Variants in EFHC1 observed in about 807,000 individuals in gnomAD.
The protein encoded by EFHC1 is EF-hand domain-containing protein 1.
Under a neutral mutation model 69.9 loss-of-function variants are expected in EFHC1, and 53 were observed. That is an observed-to-expected ratio of 0.76 (90% CI 0.61 to 0.95). The LOEUF (loss-of-function observed/expected upper bound fraction) is 0.95, where lower values mean the gene tolerates loss of function less well. Among genes scored for constraint, EFHC1 ranks in the 40% least tolerant of loss-of-function variants. The pLI, the probability that EFHC1 is intolerant of heterozygous loss-of-function variation, is 0.00. For synonymous variants in EFHC1, 256 were observed against 278.4 expected (o/e 0.92, Z 0.80); for missense variants, 739 against 798.7 (o/e 0.93, Z 0.90).
At chr6:52,452,325 C>T (rs573588579) in intron 3 of EFHC1, among the ~76,000 whole-genome samples, 6 of 152,118 alleles carry the variant, frequency 3.9e-5, no homozygotes, top group Admixed American at 2.6e-4. Flanking sequence ...TTATTTGAGG[C>T]GGGGTCTTGC....
At chr6:52,430,030 A>G (rs1260100765) in intron 2 of EFHC1, 4 of 152,152 alleles carry the variant, frequency 2.6e-5, no homozygotes, top group Non-Finnish European at 5.9e-5. Context: ...TGGTGTAAAG[A>G]AGAGCTACTG....
chr6:52,473,145 TA>T (rs1409634311), intron 7 of EFHC1, among the ~76,000 whole-genome samples: 1 of 152,110 alleles, frequency 6.6e-6, no homozygotes, highest in Non-Finnish European at 1.5e-5. Flanking sequence ...CACTGTGTAT[TA>T]AAAGTCACAG....
intron 2 of EFHC1, among the ~76,000 whole-genome samples, chr6:52,432,494 C>T: frequency 6.6e-6 from 1 of 152,084 alleles, no homozygotes; most frequent in South Asian, 2.1e-4. Flanking sequence ...AAATTCTTGG[C>T]TGATAATTCT....
intron 1 of EFHC1, 50 bp downstream of exon 1, chr6:52,420,523 C>A: frequency 6.2e-7 from 1 of 1,611,184 alleles, no homozygotes; most frequent in Non-Finnish European, 8.5e-7. Context: ...TCCAGCAGCC[C>A]AGGAGGTTTC....
chr6:52,490,630 G>A (rs773071948), intron 10 of EFHC1: 6 of 580,570 alleles, frequency 1.0e-5, no homozygotes, highest in Non-Finnish European at 1.8e-5. Flanking sequence ...CAACAGAGAC[G>A]ATCCAGGAGG....
intron 2 of EFHC1, among the ~76,000 whole-genome samples, chr6:52,427,819 G>A (rs1177182750): frequency 6.6e-6 from 1 of 152,026 alleles, no homozygotes; most frequent in African/African-American, 2.4e-5. Flanking sequence ...ATGTGACTTG[G>A]CTTTTTATAA....
chr6:52,463,062 C>CT (rs1329615234), intron 5 of EFHC1, among the ~76,000 whole-genome samples: 3 of 151,972 alleles, frequency 2.0e-5, no homozygotes, highest in Non-Finnish European at 4.4e-5. Context: ...GAGTCTCTCT[C>CT]TGTCGCCCAG....
intron 4 of EFHC1, 188 bp from the exon 5 acceptor site, chr6:52,453,907 A>G (rs764850535): frequency 1.0e-5 from 15 of 1,457,810 alleles, no homozygotes; most frequent in Admixed American, 1.0e-4. Context: ...CTGCTGACAT[A>G]TAGTACATAA....
At position 52,495,383 on chromosome 6, in the gene EFHC1, T is replaced by C. The variant is rs1283884102; in HGVS notation, c.*3042T>C. The C allele has an allele frequency of 2.2e-6, 1 of 453,996 alleles. No individual in the cohort carries two copies. Among genetic ancestry groups the C allele is most frequent in the East Asian group, 6.9e-5 (1 of 14,408 alleles). 28.1% of individuals were successfully genotyped at this position (453,996 alleles called of 1,614,324 possible). A position where few individuals can be genotyped will look rare whatever the true frequency, so the allele number is the denominator to read the frequency against. On this transcript the variant is annotated 3_prime_UTR_variant, in exon 11 of 11. Transcript: ENST00000371068. ...AGCCCCTTTCAAGAAGCTTGCACTT[T>C]CTGATATTTTCTCCATCACTCTTGC... is the stretch of plus-strand genomic sequence containing the variant.
At position 52,492,926 on chromosome 6, in the gene EFHC1, T is replaced by A. The variant is rs1327939880; in HGVS notation, c.*585T>A. 4.4e-6 allele frequency: 2 copies of A among 454,106 alleles called. No homozygotes were observed. Among genetic ancestry groups the A allele is most frequent in the Admixed American group, 2.3e-5 (1 of 42,576 alleles). The allele number at this position is 454,106 out of a possible 1,614,324, so 28.1% of individuals were successfully genotyped here. The stretch of plus-strand genomic sequence containing the variant: ...GCCACTGTGCCCAGCCTCAGATATT[T>A]CATTATTCTGGGGGTTTCTCTGAAG... On this transcript the variant is annotated 3_prime_UTR_variant, in exon 11 of 11. Coordinates refer to ENST00000371068, the MANE Select transcript of EFHC1 (RefSeq NM_018100.4).
At chr6:52,426,455 T>A (rs529672392) in intron 2 of EFHC1, among the ~76,000 whole-genome samples, 1 of 152,330 alleles carries the variant, frequency 6.6e-6, no homozygotes, top group East Asian at 1.9e-4. Flanking sequence ...CTTACAAGTA[T>A]TTTCAAGGCT....
chr6:52,466,278 C>T (rs1271392813), intron 6 of EFHC1, among the ~76,000 whole-genome samples: 1 of 152,192 alleles, frequency 6.6e-6, no homozygotes, highest in Non-Finnish European at 1.5e-5. Context: ...CTTCCAGCGG[C>T]TGCTCCTCTT....
chr6:52,495,105 G>A lies in EFHC1; in HGVS notation c.*2764G>A, dbSNP rs1273183362. On this transcript the variant is annotated 3_prime_UTR_variant, in exon 11 of 11. Transcript: ENST00000371068. ...CGGCTCTAATGGTATGGTCTCCAAG[G>A]CTCCTTCTGATCTTCCCAGGAGGCC... 4.4e-6 allele frequency: 2 copies of A among 454,016 alleles called. No homozygotes were observed. Among genetic ancestry groups the A allele is most frequent in the Admixed American group, 4.7e-5 (2 of 42,570 alleles). 28.1% of individuals were successfully genotyped at this position (454,016 alleles called of 1,614,324 possible).
chr6:52,431,508 T>A (rs1764413769), intron 2 of EFHC1, among the ~76,000 whole-genome samples: 1 of 152,152 alleles, frequency 6.6e-6, no homozygotes, highest in Non-Finnish European at 1.5e-5. Context: ...ATTTGCATGG[T>A]TTTGAAGGTT....
In EFHC1 at chr6:52,496,319, G is replaced by C. The variant is rs183598255; in HGVS notation, c.*3978G>C. ...GACTAAGACTGCTTATAGTGCTTAC[G>C]GCTTTGGGACTAATAAAAATCTGCC... On this transcript the variant is annotated 3_prime_UTR_variant, in exon 11 of 11. Transcript: ENST00000371068. 1.3e-5 allele frequency: 2 copies of C among 152,362 alleles called. No individual in the cohort carries two copies. Among genetic ancestry groups the C allele is most frequent in the Non-Finnish European group, 2.9e-5 (2 of 68,252 alleles). 9.4% of individuals were successfully genotyped at this position (152,362 alleles called of 1,614,324 possible). A position where few individuals can be genotyped will look rare whatever the true frequency, so the allele number is the denominator to read the frequency against.
chr6:52,454,297 A>G lies in EFHC1; in HGVS notation c.916+10A>G. On this transcript the variant is annotated intron_variant, in intron 5 of 10. Coordinates refer to ENST00000371068, the MANE Select transcript of EFHC1 (RefSeq NM_018100.4). ...TTGGTGGAAAATGCAAGTATGTTTG[A>G]TTCAGTTTATTCTCTGTTACTTGGG... The G allele has an allele frequency of 6.2e-7, 1 of 1,613,950 alleles. No homozygotes were observed. The highest frequency in any genetic ancestry group is 8.5e-7 in the Non-Finnish European group (1 of 1,179,856).
At chr6:52,426,688 G>A (rs1400308939) in intron 2 of EFHC1, among the ~76,000 whole-genome samples, 1 of 152,126 alleles carries the variant, frequency 6.6e-6, no homozygotes, top group East Asian at 1.9e-4. Context: ...TTTTCCCATA[G>A]ATCTGCTTTC....
chr6:52,464,290 C>G (rs1463199316), intron 5 of EFHC1, among the ~76,000 whole-genome samples: 1 of 152,182 alleles, frequency 6.6e-6, no homozygotes, highest in Non-Finnish European at 1.5e-5. Flanking sequence ...TTGACTGTCC[C>G]TGCCCCCTGT....
At position 52,457,034 on chromosome 6, in the gene EFHC1, G is replaced by A. The variant is rs78961687; in HGVS notation, c.916+2747G>A. On this transcript the variant is annotated intron_variant, in intron 5 of 10. Coordinates refer to ENST00000371068, the MANE Select transcript of EFHC1 (RefSeq NM_018100.4). ...AATGATGTCTAATTGACTCTCAAAGGCATTTATCCAATGGGTGATTTTTAT... is the reference window on the plus strand; with the variant it reads ...AATGATGTCTAATTGACTCTCAAAGACATTTATCCAATGGGTGATTTTTAT... Among the ~76,000 whole-genome samples, 427 of 152,254 alleles carry A rather than the reference G, an allele frequency of 2.8e-3. 2 individuals carry two copies. The highest frequency in any genetic ancestry group is 9.9e-3 in the African/African-American group (413 of 41,554).
Sources: allele counts gnomAD v4.1 joint callset (sites outside exome capture counted in the v4.1 genomes callset), GRCh38; gene constraint gnomAD v4.1.1; transcripts MANE v1.5; gene names NCBI Gene and HGNC (gene_info 2026-07-23, HGNC 2026-07-21).